Variants in FA2H observed in about 807,000 individuals in gnomAD.
FA2H encodes fatty acid alpha-hydroxylase.
In FA2H, 22 loss-of-function variants were observed where a neutral mutation model predicts 44.9. That is an observed-to-expected ratio of 0.49 (90% confidence interval 0.35 to 0.70). The LOEUF is 0.70. FA2H is among the 30% of genes least tolerant of loss of function. FA2H has a pLI of 0.01. For synonymous variants in FA2H, 243 were observed against 213.2 expected (o/e 1.14, Z -1.22); for missense variants, 501 against 504.9 (o/e 0.99, Z 0.07).
At chr16:74,732,038 A>T (rs940394338) in intron 2 of FA2H, among the ~76,000 whole-genome samples, 1 of 151,938 alleles carries the variant, frequency 6.6e-6, no homozygotes, top group African/African-American at 2.4e-5. Flanking sequence ...ATGCCCAGCT[A>T]ATTGTTTTTT....
chr16:74,731,895 C>A (rs1300377340), intron 2 of FA2H, among the ~76,000 whole-genome samples: 1 of 152,140 alleles, frequency 6.6e-6, no homozygotes, highest in East Asian at 1.9e-4. Context: ...CTTTTTGAGA[C>A]AGGGACTTGC....
intron 1 of FA2H, among the ~76,000 whole-genome samples, chr16:74,749,044 A>G (rs919513961): frequency 2.6e-5 from 4 of 152,020 alleles, no homozygotes; most frequent in African/African-American, 4.8e-5. Context: ...GAGGGAGATG[A>G]TGGTGCCAAG....
chr16:74,772,072 G>A (rs1378628058), intron 1 of FA2H, among the ~76,000 whole-genome samples: 5 of 151,606 alleles, frequency 3.3e-5, no homozygotes, highest in Non-Finnish European at 7.4e-5. Flanking sequence ...ATTTTTGTTA[G>A]AGTCAAGTCC....
In FA2H at chr16:74,713,192, A is replaced by T. The variant is rs1351049523; in HGVS notation, c.*998T>A. The T allele has an allele frequency of 6.6e-6, 1 of 152,610 alleles. No individual in the cohort carries two copies. Among genetic ancestry groups the T allele is most frequent in the Non-Finnish European group, 1.5e-5 (1 of 68,038 alleles). 9.5% of individuals were successfully genotyped at this position (152,610 alleles called of 1,614,324 possible). A position where few individuals can be genotyped will look rare whatever the true frequency, so the allele number is the denominator to read the frequency against. On this transcript the variant is annotated 3_prime_UTR_variant, in exon 7 of 7. Coordinates refer to ENST00000219368, the MANE Select transcript of FA2H (RefSeq NM_024306.5). ...GGAACCAAAAACAGGAGGAAACAAC[A>T]TTTTTTACATAAGCTCAACATGTAG...
intron 1 of FA2H, among the ~76,000 whole-genome samples, chr16:74,740,620 AAATAATAATAATAAT>A (rs71378704): frequency 0.035 from 4,765 of 135,358 alleles, 107 homozygotes; most frequent in Middle Eastern, 0.05. Context: ...CTCCATCTCA[AAATAATAATAATAAT>A]AATAATAATA....
At chr16:74,754,840 T>C (rs1962586677) in intron 1 of FA2H, among the ~76,000 whole-genome samples, 1 of 152,040 alleles carries the variant, frequency 6.6e-6, no homozygotes, top group South Asian at 2.1e-4. Context: ...AAATAGGATC[T>C]TTGATGTAAT....
chr16:74,718,467 TTGAG>T (rs1216312328), intron 5 of FA2H, among the ~76,000 whole-genome samples: 1 of 151,966 alleles, frequency 6.6e-6, no homozygotes. Context: ...GGAAGGGTGA[TTGAG>T]AGCGCAGACT....
intron 1 of FA2H, among the ~76,000 whole-genome samples, chr16:74,753,101 C>T (rs57276041): frequency 0.087 from 13,236 of 152,250 alleles, 656 homozygotes; most frequent in African/African-American, 0.14. Flanking sequence ...GTGATCCCTG[C>T]GTCCTGTTCC....
At chr16:74,745,522 G>C (rs1962401663) in intron 1 of FA2H, among the ~76,000 whole-genome samples, 1 of 152,232 alleles carries the variant, frequency 6.6e-6, no homozygotes, top group Non-Finnish European at 1.5e-5. Flanking sequence ...ACAAGCAATG[G>C]CCAAGGTGCT....
intron 1 of FA2H, among the ~76,000 whole-genome samples, chr16:74,763,270 T>G (rs1361537948): frequency 6.6e-6 from 1 of 152,182 alleles, no homozygotes; most frequent in African/African-American, 2.4e-5. Context: ...TTTTTTTGTT[T>G]TTTTTGAGAC....
chr16:74,756,449 A>G (rs908662151), intron 1 of FA2H, among the ~76,000 whole-genome samples: 2 of 152,144 alleles, frequency 1.3e-5, no homozygotes, highest in Admixed American at 1.3e-4. Context: ...CTCCAGCCAC[A>G]TGACCTCAGG....
At position 74,713,967 on chromosome 16, in the gene FA2H, C is replaced by A; in HGVS notation, c.*223G>T. 1.8e-6 allele frequency: 1 copy of A among 567,902 alleles called. No homozygotes were observed. The highest frequency in any genetic ancestry group is 3.2e-6 in the Non-Finnish European group (1 of 316,616). 35.2% of individuals were successfully genotyped at this position (567,902 alleles called of 1,614,324 possible). ...AGGGACGCTCCAGGAAGAAGTGGGT[C>A]ACCAAGGGCCACCTGGCCACCAAGT... On this transcript the variant is annotated 3_prime_UTR_variant, in exon 7 of 7. Transcript: ENST00000219368.
At chr16:74,752,866 C>A (rs1176948165) in intron 1 of FA2H, among the ~76,000 whole-genome samples, 1 of 152,084 alleles carries the variant, frequency 6.6e-6, no homozygotes, top group Admixed American at 6.5e-5. Flanking sequence ...GGAGTGAAGG[C>A]GGGAGGCCAT....
At chr16:74,733,892 C>A (rs1426411703) in intron 2 of FA2H, among the ~76,000 whole-genome samples, 1 of 152,228 alleles carries the variant, frequency 6.6e-6, no homozygotes, top group Non-Finnish European at 1.5e-5. Context: ...CACCCTTCCC[C>A]AGGAAAGCGT....
At chr16:74,737,878 G>C (rs1371906010) in intron 2 of FA2H, among the ~76,000 whole-genome samples, 1 of 152,196 alleles carries the variant, frequency 6.6e-6, no homozygotes, top group Non-Finnish European at 1.5e-5. Flanking sequence ...CAGCAACAGA[G>C]AGAGGGCTCA....
intron 1 of FA2H, among the ~76,000 whole-genome samples, chr16:74,741,808 A>ATATATATATGTG (rs1491185782): frequency 1.3e-3 from 63 of 48,364 alleles, no homozygotes; most frequent in African/African-American, 3.3e-3. Flanking sequence ...ATATATATAT[A>ATATATATATGTG]TGTGTGTGTG....
In FA2H at chr16:74,762,294, C is replaced by T. The variant is rs184054049; in HGVS notation, c.270+12192G>A. 1.1e-3 allele frequency among the ~76,000 whole-genome samples: 174 copies of T among 152,316 alleles called. 2 individuals carry two copies. The highest frequency in any genetic ancestry group is 4.7e-4 in the Non-Finnish European group (32 of 68,026). On this transcript the variant is annotated intron_variant, in intron 1 of 6. Coordinates refer to ENST00000219368, the MANE Select transcript of FA2H (RefSeq NM_024306.5). The stretch of plus-strand genomic sequence containing the variant: ...TCCTGACCTCGTGATCCACCCGCCT[C>T]GGCCTCCCAAAGTGTTGGGATTACA...
chr16:74,735,335 G>A (rs10438604), intron 2 of FA2H, among the ~76,000 whole-genome samples: 1 of 152,124 alleles, frequency 6.6e-6, no homozygotes, highest in Non-Finnish European at 1.5e-5. Context: ...CGTCCTGCGC[G>A]GTCTAACTGG....
At chr16:74,744,294 C>T (rs868103884) in intron 1 of FA2H, among the ~76,000 whole-genome samples, 1 of 152,128 alleles carries the variant, frequency 6.6e-6, no homozygotes, top group African/African-American at 2.4e-5. Flanking sequence ...TAGAAAGTTT[C>T]TTGGAAACTT....
Sources: allele counts gnomAD v4.1 joint callset (sites outside exome capture counted in the v4.1 genomes callset), GRCh38; gene constraint gnomAD v4.1.1; transcripts MANE v1.5; gene names NCBI Gene and HGNC (gene_info 2026-07-23, HGNC 2026-07-21).